Variants in MED12L observed in about 807,000 individuals in gnomAD.
MED12L encodes mediator complex subunit 12L.
A neutral mutation model predicts 281.3 loss-of-function variants in MED12L; 60 were observed. The ratio of observed to expected loss-of-function variants is 0.21; its 90% CI spans 0.17 to 0.26. The LOEUF is 0.26. Among genes scored for constraint, MED12L ranks in the 10% least tolerant of loss-of-function variants. The probability of loss-of-function intolerance (pLI) is 1.00; values close to 1 mark genes in which losing one functional copy is unlikely to be tolerated. For missense variants in MED12L, 2,146 were observed against 2,680.9 expected, an observed-to-expected ratio of 0.80 and a Z score of 4.41; for synonymous variants, 974 against 987.2, an observed-to-expected ratio of 0.99 and a Z score of 0.25.
chr3:151,268,727 G>A (rs1740304261), intron 16 of MED12L, among the ~76,000 whole-genome samples: 1 of 152,194 alleles, frequency 6.6e-6, no homozygotes, highest in Non-Finnish European at 1.5e-5. Flanking sequence ...TGAGTCAGCA[G>A]TGTTTACAAA....
In MED12L at chr3:151,152,085, GTTTTTTTTTTTTTTTTTTTT is replaced by G. The variant is rs141353889; in HGVS notation, c.557-4064_557-4045del. On this transcript the variant is annotated intron_variant, in intron 5 of 44. Coordinates refer to ENST00000687756, the MANE Select transcript of MED12L (RefSeq NM_001393769.1). Reference sequence around the variant, plus strand: ...AAGAATTGTGGATCAGTTGAAGGTGGTTTTTTTTTTTTTTTTTTTTTTTTTTTTTTTGGAGACAGGGTCTC... The same window carrying G: ...AAGAATTGTGGATCAGTTGAAGGTGGTTTTTTTTTTTGGAGACAGGGTCTC... Among the ~76,000 whole-genome samples the G allele has an allele frequency of 3.3e-3, 208 of 63,046 alleles. 1 individual carries two copies. In the Middle Eastern group the frequency reaches 0.06, roughly 18 times the overall value. 41.4% of individuals were successfully genotyped at this position (63,046 alleles called of 152,430 possible). A position where few individuals can be genotyped will look rare whatever the true frequency, so the allele number is the denominator to read the frequency against.
chr3:151,413,388 A>G, intron 42 of MED12L, 93 bp downstream of exon 42: 1 of 1,415,842 alleles, frequency 7.1e-7, no homozygotes, highest in South Asian at 1.4e-5. Context: ...ATAGTTGTCA[A>G]TTGCCAGATT....
intron 21 of MED12L, among the ~76,000 whole-genome samples, chr3:151,363,888 T>C (rs1419856501): frequency 6.6e-6 from 1 of 152,184 alleles, no homozygotes; most frequent in African/African-American, 2.4e-5. Context: ...ACAATCTCTG[T>C]TTTCTTAAAG....
At chr3:151,136,200 CA>C (rs1368903261) in intron 5 of MED12L, among the ~76,000 whole-genome samples, 1 of 152,214 alleles carries the variant, frequency 6.6e-6, no homozygotes, top group Non-Finnish European at 1.5e-5. Flanking sequence ...TAATTTGTGA[CA>C]TATTCACTGA....
chr3:151,178,181 A>AAAAAAAAAAAAAAAAG (rs1560124057), intron 11 of MED12L, among the ~76,000 whole-genome samples: 11 of 149,434 alleles, frequency 7.4e-5, no homozygotes, highest in African/African-American at 2.5e-4. Flanking sequence ...AAAAAAAAAA[A>AAAAAAAAAAAAAAAAG]AAAGAAAGTG....
chr3:151,394,006 C>T (rs571777142), intron 38 of MED12L, among the ~76,000 whole-genome samples: 14 of 151,980 alleles, frequency 9.2e-5, no homozygotes, highest in African/African-American at 2.2e-4. Flanking sequence ...TTTAAATGCG[C>T]GTGACAAATT....
At chr3:151,176,520 C>CT (rs539253712) in intron 11 of MED12L, among the ~76,000 whole-genome samples, 178 of 148,954 alleles carry the variant, frequency 1.2e-3, no homozygotes, top group South Asian at 1.3e-3. Flanking sequence ...GATTTTTTTT[C>CT]TTTTACTGCT....
chr3:151,093,193 A>G (rs1377052980), intron 2 of MED12L, among the ~76,000 whole-genome samples: 1 of 152,188 alleles, frequency 6.6e-6, no homozygotes, highest in Non-Finnish European at 1.5e-5. Flanking sequence ...GGTCCCAGCT[A>G]CTAGGGAGGT....
chr3:151,255,403 G>A (rs1030272946), intron 16 of MED12L, among the ~76,000 whole-genome samples: 1 of 151,746 alleles, frequency 6.6e-6, no homozygotes, highest in Non-Finnish European at 1.5e-5. Context: ...CAGTAGAGTA[G>A]ACGGAAAGTC....
At chr3:151,303,735 C>A (rs988657838) in intron 16 of MED12L, among the ~76,000 whole-genome samples, 1 of 152,226 alleles carries the variant, frequency 6.6e-6, no homozygotes, top group Admixed American at 6.5e-5. Context: ...TGCACTGCAG[C>A]CTGGATGACA....
chr3:151,383,164 A>G (rs913328965), intron 33 of MED12L, among the ~76,000 whole-genome samples: 8 of 152,248 alleles, frequency 5.3e-5, no homozygotes, highest in African/African-American at 1.9e-4. Context: ...GAGAAGTTTT[A>G]TAGAAATTTA....
At chr3:151,237,395 G>A (rs1397684841) in intron 16 of MED12L, among the ~76,000 whole-genome samples, 1 of 113,586 alleles carries the variant, frequency 8.8e-6, no homozygotes, top group East Asian at 3.1e-4. Context: ...TGTCGCCCAA[G>A]CTGGAGTGTG....
At chr3:151,118,968 T>A (rs559635679) in intron 3 of MED12L, among the ~76,000 whole-genome samples, 85 of 152,356 alleles carry the variant, frequency 5.6e-4, no homozygotes, top group African/African-American at 2.0e-3. Context: ...ATTACAGATG[T>A]GAGCCACTGT....
chr3:151,400,093 C>T (rs1323705388), intron 39 of MED12L, among the ~76,000 whole-genome samples: 1 of 152,068 alleles, frequency 6.6e-6, no homozygotes, highest in Non-Finnish European at 1.5e-5. Flanking sequence ...TCCTATAGTG[C>T]TGGGATTATA....
rs1755209440 is a variant in MED12L, at chr3:151,365,833, T to A, written c.3186-17T>A. The A allele has an allele frequency of 6.3e-7, 1 of 1,590,662 alleles. No individual in the cohort carries two copies. Among genetic ancestry groups the A allele is most frequent in the Admixed American group, 1.8e-5 (1 of 56,640 alleles). On this transcript the variant is annotated splice_polypyrimidine_tract_variant and intron_variant, in intron 22 of 44. Transcript: ENST00000687756. ...TTTGTACAAGGTTACTTTCTGTGTCTTCTTTTTCTTTTCTAGGATTAACGA... is the reference window on the plus strand; with the variant it reads ...TTTGTACAAGGTTACTTTCTGTGTCATCTTTTTCTTTTCTAGGATTAACGA...
chr3:151,266,688 C>G (rs956874619), intron 16 of MED12L, among the ~76,000 whole-genome samples: 2 of 152,112 alleles, frequency 1.3e-5, no homozygotes, highest in African/African-American at 4.8e-5. Context: ...GAAAGGAACT[C>G]CAGCCATGGG....
chr3:151,382,718 C>T lies in MED12L; in HGVS notation c.4653C>T (p.His1551=), dbSNP rs750004260. Residue 1551 remains histidine (H), a synonymous_variant, in exon 33 of 45, where the codon CAC becomes CAT. Coordinates refer to ENST00000687756, the MANE Select transcript of MED12L (RefSeq NM_001393769.1). ...ACATAAAAGCGCGGCAGATGATGCA[C>T]GAAGCATTGCAACTCCGCCTAAATT... ...QDDIKARQMM[H]EALQLRLNLV... is the part of the protein sequence containing the mutation. 145 of 1,611,910 alleles carry T rather than the reference C, an allele frequency of 9.0e-5. No homozygotes were observed. Among genetic ancestry groups the T allele is most frequent in the Non-Finnish European group, 1.2e-4 (136 of 1,178,968 alleles).
chr3:151,166,438 G>A (rs1288336918), intron 11 of MED12L, among the ~76,000 whole-genome samples: 1 of 151,952 alleles, frequency 6.6e-6, no homozygotes, highest in Admixed American at 6.6e-5. Context: ...AAAAAAGTGT[G>A]TGTTAAGTGT....
At chr3:151,340,525 T>C (rs1029808724) in intron 16 of MED12L, 8 of 152,614 alleles carry the variant, frequency 5.2e-5, no homozygotes, top group African/African-American at 1.9e-4. Flanking sequence ...AAGAGAAACT[T>C]GGAAAAAATG....
Sources: allele counts gnomAD v4.1 joint callset (sites outside exome capture counted in the v4.1 genomes callset), GRCh38; gene constraint gnomAD v4.1.1; transcripts MANE v1.5; gene names NCBI Gene and HGNC (gene_info 2026-07-23, HGNC 2026-07-21).